PALMD: variants seen among roughly 807,000 people sequenced by gnomAD.
The protein encoded by PALMD is palmdelphin, also known as paralemmin-like protein.
Under a neutral mutation model 56.2 loss-of-function variants are expected in PALMD, and 42 were observed. That is an observed-to-expected ratio of 0.75 (90% CI 0.58 to 0.97). The LOEUF is 0.97. PALMD is among the 50% of genes least tolerant of loss of function. The probability of loss-of-function intolerance (pLI) is 0.00; values close to 1 mark genes in which losing one functional copy is unlikely to be tolerated. For missense variants in PALMD, 660 were observed against 643.8 expected, an observed-to-expected ratio of 1.03 and a Z score of -0.27; for synonymous variants, 242 against 222.9, an observed-to-expected ratio of 1.09 and a Z score of -0.76.
At chr1:99,647,838 G>T (rs2100850652) in intron 1 of PALMD, among the ~76,000 whole-genome samples, 1 of 152,258 alleles carries the variant, frequency 6.6e-6, no homozygotes, top group Non-Finnish European at 1.5e-5. Flanking sequence ...TCTTTCAGTT[G>T]GGGGACACCC....
chr1:99,694,250 A>G lies in PALMD; in HGVS notation c.*188A>G. The G allele has an allele frequency of 2.1e-6, 1 of 471,304 alleles. No individual in the cohort carries two copies. Among genetic ancestry groups the G allele is most frequent in the Non-Finnish European group, 3.8e-6 (1 of 260,230 alleles). The allele number at this position is 471,304 out of a possible 1,614,324, so 29.2% of individuals were successfully genotyped here. Reference sequence around the variant, plus strand: ...AATTCCCAAAAAGCTGGGGAAAACAAATGTGTAACTTTTCCAGTTACTTGA... The same window carrying G: ...AATTCCCAAAAAGCTGGGGAAAACAGATGTGTAACTTTTCCAGTTACTTGA... On this transcript the variant is annotated 3_prime_UTR_variant, in exon 8 of 8. Transcript: ENST00000263174.
chr1:99,691,052 G>A (rs1653642089), intron 7 of PALMD, among the ~76,000 whole-genome samples: 1 of 152,060 alleles, frequency 6.6e-6, no homozygotes, highest in African/African-American at 2.4e-5. Context: ...CTAAGCTTTT[G>A]GAAAGTATAC....
chr1:99,682,822 A>G (rs1653372485), intron 3 of PALMD, among the ~76,000 whole-genome samples: 1 of 151,776 alleles, frequency 6.6e-6, no homozygotes, highest in South Asian at 2.1e-4. Context: ...CCTGGTCAAC[A>G]TGGTGAAAGC....
chr1:99,692,377 C>A (rs1230542541), intron 7 of PALMD, among the ~76,000 whole-genome samples: 1 of 152,060 alleles, frequency 6.6e-6, no homozygotes, highest in East Asian at 1.9e-4. Flanking sequence ...CCAGCTGAAA[C>A]CATGCATCTA....
chr1:99,687,878 G>A (rs1197890391), intron 6 of PALMD, among the ~76,000 whole-genome samples: 1 of 128,674 alleles, frequency 7.8e-6, no homozygotes, highest in Non-Finnish European at 1.8e-5. Context: ...GTTTTTCTTG[G>A]GTAGTCAAGG....
intron 1 of PALMD, among the ~76,000 whole-genome samples, chr1:99,659,245 A>G (rs1652793931): frequency 6.6e-6 from 1 of 152,250 alleles, no homozygotes; most frequent in African/African-American, 2.4e-5. Context: ...GATGGTCACA[A>G]TAACTATAGT....
At chr1:99,659,702 C>T (rs1185383539) in intron 1 of PALMD, among the ~76,000 whole-genome samples, 1 of 152,188 alleles carries the variant, frequency 6.6e-6, no homozygotes, top group African/African-American at 2.4e-5. Flanking sequence ...TTAATGCTAA[C>T]AGAGTTCAAT....
At chr1:99,692,517 A>C (rs1653671705) in intron 7 of PALMD, among the ~76,000 whole-genome samples, 1 of 152,172 alleles carries the variant, frequency 6.6e-6, no homozygotes. Flanking sequence ...GGCCCCATGC[A>C]TTTACTGGAA....
chr1:99,683,166 GAAAC>G (rs1653411110), intron 3 of PALMD: 2 of 126,654 alleles, frequency 1.6e-5, no homozygotes, highest in African/African-American at 6.9e-5. Context: ...AAGAAAGAAA[GAAAC>G]GAACACCCTA....
Position 99,662,302 on chromosome 1 carries a change from G to A in PALMD, c.46-17G>A. On this transcript the variant is annotated splice_polypyrimidine_tract_variant and intron_variant, in intron 1 of 7. Coordinates refer to ENST00000263174, the MANE Select transcript of PALMD (RefSeq NM_017734.5). ...CAAATTTTAAAAATAAAATATACTG[G>A]AACTTTTTTATTTCAGGATAAAAGA... 7.6e-7 allele frequency: 1 copy of A among 1,317,430 alleles called. No homozygotes were observed. The highest frequency in any genetic ancestry group is 1.1e-6 in the Non-Finnish European group (1 of 920,406). The allele number at this position is 1,317,430 out of a possible 1,614,324, so 81.6% of individuals were successfully genotyped here.
chr1:99,672,353 C>T (rs970177482), intron 3 of PALMD, among the ~76,000 whole-genome samples: 5 of 152,148 alleles, frequency 3.3e-5, no homozygotes, highest in African/African-American at 7.2e-5. Flanking sequence ...AATAGAGTTT[C>T]AATTTGCCTC....
chr1:99,678,168 G>C (rs565546225), intron 3 of PALMD, among the ~76,000 whole-genome samples: 2 of 151,240 alleles, frequency 1.3e-5, no homozygotes, highest in African/African-American at 4.9e-5. Flanking sequence ...GAGTGCCGTG[G>C]CATGAACTCA....
rs1202556845 is a variant in PALMD at position 99,656,531 on chromosome 1, A to G, written c.46-5788A>G. 5.9e-5 allele frequency among the ~76,000 whole-genome samples: 9 copies of G among 152,338 alleles called. No homozygotes were observed. In the East Asian group the frequency reaches 1.7e-3, roughly 29 times the overall value. Reference sequence around the variant, plus strand: ...TATAAGATTATCAGCTTCTAGAAAAATGAATCTGAAAACATTCAACTATTT... The same window carrying G: ...TATAAGATTATCAGCTTCTAGAAAAGTGAATCTGAAAACATTCAACTATTT... On this transcript the variant is annotated intron_variant, in intron 1 of 7. Coordinates refer to ENST00000263174, the MANE Select transcript of PALMD (RefSeq NM_017734.5).
At chr1:99,686,877 TAG>T in intron 4 of PALMD, 51 bp from the exon 5 acceptor site, 1 of 1,403,720 alleles carries the variant, frequency 7.1e-7, no homozygotes, top group Admixed American at 1.9e-5. Flanking sequence ...TATCCACATT[TAG>T]ATTCTATTTT....
intron 6 of PALMD, among the ~76,000 whole-genome samples, chr1:99,688,264 A>T (rs1165084312): frequency 6.6e-6 from 1 of 152,110 alleles, no homozygotes; most frequent in African/African-American, 2.4e-5. Flanking sequence ...AAAACTTTAG[A>T]ACACACCTCT....
intron 2 of PALMD, among the ~76,000 whole-genome samples, chr1:99,667,030 A>G (rs1652980267): frequency 2.0e-5 from 3 of 152,222 alleles, no homozygotes; most frequent in Admixed American, 2.0e-4. Context: ...TCTGAGAAGA[A>G]AGAAGGGGAG....
Position 99,687,078 on chromosome 1 carries a change from T to A in PALMD, c.403T>A (p.Ser135Thr). 6.3e-7 allele frequency: 1 copy of A among 1,581,960 alleles called. No homozygotes were observed. The highest frequency in any genetic ancestry group is 8.6e-7 in the Non-Finnish European group (1 of 1,156,650). ...KVEREERAEE[S>T]IEDIYANIPD... ...TTGAATTCATATTAATTTTACAGAG[T>A]CAATTGAGGACATCTATGCTAATAT... The change falls in exon 6 of 8, where the codon TCA (serine) becomes ACA (threonine). Residue 135 changes from serine (S) to threonine (T), a missense_variant and splice_region_variant. Coordinates refer to ENST00000263174, the MANE Select transcript of PALMD (RefSeq NM_017734.5).
At position 99,694,077 on chromosome 1, in the gene PALMD, A is replaced by G. The variant is rs1653724373; in HGVS notation, c.*15A>G. ...AGGTGATCTAAGAGTTGTACCACCT[A>G]TATAAACATCCTTTGAAGAAGAAAC... On this transcript the variant is annotated 3_prime_UTR_variant, in exon 8 of 8. Coordinates refer to ENST00000263174, the MANE Select transcript of PALMD (RefSeq NM_017734.5). The G allele has an allele frequency of 9.7e-6, 15 of 1,540,090 alleles. No homozygotes were observed. The highest frequency in any genetic ancestry group is 1.3e-5 in the Non-Finnish European group (15 of 1,118,426).
chr1:99,673,476 A>G (rs1239170307), intron 3 of PALMD, among the ~76,000 whole-genome samples: 1 of 151,928 alleles, frequency 6.6e-6, no homozygotes, highest in Non-Finnish European at 1.5e-5. Flanking sequence ...TTATGACAAC[A>G]TAAGAAAAAA....
Sources: allele counts gnomAD v4.1 joint callset (sites outside exome capture counted in the v4.1 genomes callset), GRCh38; gene constraint gnomAD v4.1.1; transcripts MANE v1.5; gene names NCBI Gene and HGNC (gene_info 2026-07-23, HGNC 2026-07-21).